The following GATC variants were observed in gnomAD, a reference collection of about 807,000 sequenced individuals.
The protein encoded by GATC is glutamyl-tRNA(Gln) amidotransferase subunit C, mitochondrial.
GATC carries 11 observed loss-of-function variants against 14.4 expected under a neutral mutation model. The observed-to-expected ratio is 0.77, with a 90% confidence interval of 0.48 to 1.27. The LOEUF is 1.27. GATC is among the 50% of genes most tolerant of loss of function. The pLI, the probability that GATC is intolerant of heterozygous loss-of-function variation, is 0.00. For synonymous variants in GATC, 76 were observed against 79.3 expected, an observed-to-expected ratio of 0.96 and a Z score of 0.22; for missense variants, 204 against 183.0, an observed-to-expected ratio of 1.11 and a Z score of -0.66.
intron 2 of GATC, among the ~76,000 whole-genome samples, chr12:120,447,628 TCTAGTTAGTAA>T (rs1202832396): frequency 2.6e-5 from 4 of 152,166 alleles, no homozygotes; most frequent in Non-Finnish European, 5.9e-5. Context: ...CTTCTCCCCT[TCTAGTTAGTAA>T]CTCATCCTAT....
chr12:120,462,332 C>T lies in GATC; in HGVS notation c.*2373C>T, dbSNP rs1478541688. The T allele has an allele frequency of 3.6e-6, 2 of 563,138 alleles. No homozygotes were observed. Among genetic ancestry groups the T allele is most frequent in the Admixed American group, 3.9e-5 (1 of 25,864 alleles). The allele number at this position is 563,138 out of a possible 1,614,324, so 34.9% of individuals were successfully genotyped here. On this transcript the variant is annotated 3_prime_UTR_variant, in exon 4 of 4. Transcript: ENST00000551765. ...TTCATAACATTATGAGGTAGGTACT[C>T]TTACTATCCCATTTCAAGAATGAAG...
At chr12:120,457,257 G>A in intron 3 of GATC, 78 bp downstream of exon 3, 2 of 1,085,452 alleles carry the variant, frequency 1.8e-6, no homozygotes, top group South Asian at 1.3e-5. Flanking sequence ...GAGGACCAAA[G>A]ATGCTATGTG....
chr12:120,457,209 T>TA (rs1761168674), intron 3 of GATC, 30 bp downstream of exon 3: 1 of 1,462,222 alleles, frequency 6.8e-7, no homozygotes, highest in Non-Finnish European at 9.6e-7. Context: ...GTTTAACAGA[T>TA]AGTCTCACAG....
intron 2 of GATC, chr12:120,454,880 C>T: frequency 8.4e-6 from 2 of 238,098 alleles, no homozygotes; most frequent in South Asian, 4.2e-5. Flanking sequence ...AAATCTAGTA[C>T]AACTCTCTTT....
At chr12:120,450,970 T>C (rs905803544) in intron 2 of GATC, among the ~76,000 whole-genome samples, 19 of 149,624 alleles carry the variant, frequency 1.3e-4, no homozygotes, top group Admixed American at 9.3e-4. Context: ...GGCGAAACCC[T>C]GTTTCTACTT....
rs886890782 is a variant in GATC at position 120,460,061 on chromosome 12, G to A, written c.*102G>A. ...ATGTTCCTGCTTTTTTCAGTCCCCT[G>A]AAAAAATGGATGCTCAAGCATTTCT... On this transcript the variant is annotated 3_prime_UTR_variant, in exon 4 of 4. Coordinates refer to ENST00000551765, the MANE Select transcript of GATC (RefSeq NM_176818.3). 30 of 807,256 alleles carry A rather than the reference G, an allele frequency of 3.7e-5. No individual in the cohort carries two copies. Among genetic ancestry groups the A allele is most frequent in the Non-Finnish European group, 5.7e-5 (28 of 493,260 alleles). 50.0% of individuals were successfully genotyped at this position (807,256 alleles called of 1,614,324 possible).
At position 120,461,793 on chromosome 12, in the gene GATC, G is replaced by GA. The variant is rs1488018862; in HGVS notation, c.*1839dup. 2.4e-6 allele frequency: 1 copy of GA among 415,314 alleles called. No homozygotes were observed. Among genetic ancestry groups the GA allele is most frequent in the African/African-American group, 2.1e-5 (1 of 48,262 alleles). The allele number at this position is 415,314 out of a possible 1,614,324, so 25.7% of individuals were successfully genotyped here. A position where few individuals can be genotyped will look rare whatever the true frequency, so the allele number is the denominator to read the frequency against. Reference sequence around the variant, plus strand: ...TGATTTTTTTCCCATAATCAGGGGTGAAAAATATACAACTTGTTTCTGAAC... The same window carrying GA: ...TGATTTTTTTCCCATAATCAGGGGTGAAAAAATATACAACTTGTTTCTGAAC... On this transcript the variant is annotated 3_prime_UTR_variant, in exon 4 of 4. Transcript: ENST00000551765.
At position 120,462,870 on chromosome 12, in the gene GATC, T is replaced by C. The variant is rs1453044771; in HGVS notation, c.*2911T>C. On this transcript the variant is annotated 3_prime_UTR_variant, in exon 4 of 4. Transcript: ENST00000551765. ...TTCACCTTAGGTGAAAGTCAGTAAT[T>C]GGAGTTACCCTTTCTGAGGCCCTGC... is the stretch of plus-strand genomic sequence containing the variant. 1.3e-5 allele frequency: 2 copies of C among 152,172 alleles called. No individual in the cohort carries two copies. Among genetic ancestry groups the C allele is most frequent in the African/African-American group, 4.8e-5 (2 of 41,430 alleles). The allele number at this position is 152,172 out of a possible 1,614,324, so 9.4% of individuals were successfully genotyped here.
chr12:120,449,446 G>GTT (rs1402974026), intron 2 of GATC, among the ~76,000 whole-genome samples: 2 of 151,770 alleles, frequency 1.3e-5, no homozygotes, highest in South Asian at 2.1e-4. Context: ...AATGTGTTTT[G>GTT]TTTTGTTTTG....
rs1878320832 is a variant in GATC, at chr12:120,460,981, G to A, written c.*1022G>A. On this transcript the variant is annotated 3_prime_UTR_variant, in exon 4 of 4. Transcript: ENST00000551765. ...GATCGCACCACTGCACTCCAGCCTG[G>A]GCGACAGAGCAAGTCTCAAAAAAAA... 1 of 138,064 alleles carries A rather than the reference G, an allele frequency of 7.2e-6. No homozygotes were observed. Among genetic ancestry groups the A allele is most frequent in the Non-Finnish European group, 1.5e-5 (1 of 64,748 alleles). The allele number at this position is 138,064 out of a possible 1,614,324, so 8.6% of individuals were successfully genotyped here. A position where few individuals can be genotyped will look rare whatever the true frequency, so the allele number is the denominator to read the frequency against.
At chr12:120,453,852 A>C (rs1878111591) in intron 2 of GATC, among the ~76,000 whole-genome samples, 1 of 151,860 alleles carries the variant, frequency 6.6e-6, no homozygotes, top group Admixed American at 6.6e-5. Flanking sequence ...CAACAACAAC[A>C]ACAAAAAACC....
intron 2 of GATC, among the ~76,000 whole-genome samples, chr12:120,447,537 A>G (rs574548217): frequency 8.1e-4 from 123 of 151,610 alleles, no homozygotes; most frequent in African/African-American, 2.8e-3. Flanking sequence ...CCTTCCTCTC[A>G]GTATTTGCAT....
chr12:120,446,468 A>G lies in GATC; in HGVS notation c.-13A>G. 1.2e-6 allele frequency: 2 copies of G among 1,605,042 alleles called. No individual in the cohort carries two copies. The highest frequency in any genetic ancestry group is 1.7e-6 in the Non-Finnish European group (2 of 1,173,798). ...TACGCGCGGGCGCACTGCGGGGGCCAAGGAAGGAAGAAATGTGGTCGCGGT... is the reference window on the plus strand; with the variant it reads ...TACGCGCGGGCGCACTGCGGGGGCCGAGGAAGGAAGAAATGTGGTCGCGGT... On this transcript the variant is annotated 5_prime_UTR_variant, in exon 1 of 4. Transcript: ENST00000551765.
intron 3 of GATC, among the ~76,000 whole-genome samples, chr12:120,459,434 GAAC>G (rs1878268328): frequency 6.6e-6 from 1 of 152,170 alleles, no homozygotes; most frequent in Admixed American, 6.5e-5. Flanking sequence ...GCTACACTTA[GAAC>G]TGATTCTTTC....
At chr12:120,457,763 G>A (rs968578382) in intron 3 of GATC, among the ~76,000 whole-genome samples, 3 of 151,942 alleles carry the variant, frequency 2.0e-5, no homozygotes, top group Admixed American at 1.3e-4. Context: ...GCACCAGCAC[G>A]CCTGGCTAAT....
Position 120,461,894 on chromosome 12 carries a change from T to A in GATC, c.*1935T>A. The A allele has an allele frequency of 9.6e-7, 1 of 1,040,272 alleles. No individual in the cohort carries two copies. Among genetic ancestry groups the A allele is most frequent in the Non-Finnish European group, 1.3e-6 (1 of 776,602 alleles). The allele number at this position is 1,040,272 out of a possible 1,614,324, so 64.4% of individuals were successfully genotyped here. A position where few individuals can be genotyped will look rare whatever the true frequency, so the allele number is the denominator to read the frequency against. Reference sequence around the variant, plus strand: ...GGTAGAAATTATGTAGTTTTTTTTCTTCTTTAAAAAAAAAAAATTAAAAAA... The same window carrying A: ...GGTAGAAATTATGTAGTTTTTTTTCATCTTTAAAAAAAAAAAATTAAAAAA... On this transcript the variant is annotated 3_prime_UTR_variant, in exon 4 of 4. Transcript: ENST00000551765.
rs1209633181 is a variant in GATC, at chr12:120,446,810, G to T, written c.235G>T (p.Glu79Ter). The change falls in exon 2 of 4, where the codon GAA becomes TAA. Residue 79 changes from glutamate (E) to a stop codon, truncating the protein, a stop_gained. Coordinates refer to ENST00000551765, the MANE Select transcript of GATC (RefSeq NM_176818.3). LOFTEE classifies it high-confidence loss of function. ...GGACACAGACGGGGTGGAGCCCATG[G>T]AATCGGTCCTGGAGGACAGGTAAAC... Reference protein sequence around the residue: ...AVDTDGVEPMESVLEDRCLYL... With the variant: ...AVDTDGVEPM 4 of 1,612,782 alleles carry T rather than the reference G, an allele frequency of 2.5e-6. No individual in the cohort carries two copies. Among genetic ancestry groups the T allele is most frequent in the Non-Finnish European group, 3.4e-6 (4 of 1,179,350 alleles).
intron 2 of GATC, among the ~76,000 whole-genome samples, chr12:120,454,432 C>T (rs921449224): frequency 1.3e-5 from 2 of 152,010 alleles, no homozygotes; most frequent in Non-Finnish European, 2.9e-5. Context: ...AAGCTCTTAG[C>T]CTTTTTGAGA....
intron 3 of GATC, 125 bp from the exon 4 acceptor site, chr12:120,459,781 CA>C (rs943690584): frequency 5.2e-6 from 3 of 573,250 alleles, no homozygotes; most frequent in African/African-American, 1.9e-5. Context: ...GCGTGAACCC[CA>C]GGGGGCGGAG....
Sources: gnomAD v4.1 joint callset for allele counts (sites outside exome capture counted in the v4.1 genomes callset) on GRCh38, gnomAD v4.1.1 for gene constraint, MANE v1.5 for transcripts, NCBI Gene and HGNC (gene_info 2026-07-23, HGNC 2026-07-21) for gene names.